LRMDA: variants seen among roughly 807,000 people sequenced by gnomAD.
The protein encoded by LRMDA is leucine rich melanocyte differentiation associated.
LRMDA carries 18 observed loss-of-function variants against 29.8 expected under a neutral mutation model. The observed-to-expected ratio is 0.60, with a 90% CI of 0.42 to 0.90. The LOEUF (loss-of-function observed/expected upper bound fraction) is 0.90. Among genes scored for constraint, LRMDA ranks in the 40% least tolerant of loss-of-function variants. The pLI, the probability that LRMDA is intolerant of heterozygous loss-of-function variation, is 0.00. For missense variants in LRMDA, 273 were observed against 273.9 expected, an observed-to-expected ratio of 1.00 and a Z score of 0.02; for synonymous variants, 125 against 109.4, an observed-to-expected ratio of 1.14 and a Z score of -0.89.
At chr10:75,606,414 A>G (rs1840957077) in intron 2 of LRMDA, among the ~76,000 whole-genome samples, 1 of 152,194 alleles carries the variant, frequency 6.6e-6, no homozygotes, top group Non-Finnish European at 1.5e-5. Context: ...GAAACCAGAA[A>G]TGAAAATAAG....
At chr10:75,463,372 C>G (rs756766655) in intron 2 of LRMDA, among the ~76,000 whole-genome samples, 1 of 152,094 alleles carries the variant, frequency 6.6e-6, no homozygotes, top group Non-Finnish European at 1.5e-5. Flanking sequence ...CTGACTTGAG[C>G]GTCAAGGAGT....
chr10:76,200,795 G>T (rs1851412696), intron 5 of LRMDA, among the ~76,000 whole-genome samples: 1 of 149,492 alleles, frequency 6.7e-6, no homozygotes, highest in South Asian at 2.1e-4. Context: ...TCGGCTCACT[G>T]CAGCGCCTGC....
intron 5 of LRMDA, among the ~76,000 whole-genome samples, chr10:76,292,670 A>G (rs1197866200): frequency 6.6e-6 from 1 of 152,028 alleles, no homozygotes; most frequent in African/African-American, 2.4e-5. Flanking sequence ...TCCCCATGAT[A>G]CTACTTTATG....
intron 2 of LRMDA, among the ~76,000 whole-genome samples, chr10:75,476,419 CTT>C (rs1329042818): frequency 6.6e-6 from 1 of 152,122 alleles, no homozygotes; most frequent in Admixed American, 6.5e-5. Flanking sequence ...TAAATTTGTT[CTT>C]GTCTCCTTTA....
At chr10:76,074,379 A>G (rs763508696) in intron 5 of LRMDA, among the ~76,000 whole-genome samples, 1 of 152,176 alleles carries the variant, frequency 6.6e-6, no homozygotes, top group Non-Finnish European at 1.5e-5. Context: ...GTTCCTATTA[A>G]CATCTACCTC....
At chr10:76,265,764 A>G (rs1190262923) in intron 5 of LRMDA, among the ~76,000 whole-genome samples, 2 of 152,194 alleles carry the variant, frequency 1.3e-5, no homozygotes, top group African/African-American at 2.4e-5. Flanking sequence ...CTAGTCATCC[A>G]TGTGTTAGAA....
chr10:76,083,744 G>A (rs1849086011), intron 5 of LRMDA, among the ~76,000 whole-genome samples: 1 of 148,692 alleles, frequency 6.7e-6, no homozygotes, highest in Non-Finnish European at 1.5e-5. Flanking sequence ...TGAGGCAGGA[G>A]AATCACTTGA....
At chr10:76,410,125 T>G (rs1019753760) in intron 6 of LRMDA, among the ~76,000 whole-genome samples, 4 of 151,762 alleles carry the variant, frequency 2.6e-5, no homozygotes, top group African/African-American at 9.7e-5. Flanking sequence ...AGGCACGGAA[T>G]TGTAGTTTGG....
intron 5 of LRMDA, among the ~76,000 whole-genome samples, chr10:76,237,388 T>G (rs1852171575): frequency 6.6e-6 from 1 of 152,102 alleles, no homozygotes; most frequent in Non-Finnish European, 1.5e-5. Flanking sequence ...ACATTTTTGG[T>G]TTTACAGATG....
intron 2 of LRMDA, among the ~76,000 whole-genome samples, chr10:75,656,034 A>C (rs1227222152): frequency 6.6e-6 from 1 of 151,990 alleles, no homozygotes; most frequent in African/African-American, 2.4e-5. Flanking sequence ...CATTTCTTCC[A>C]TTAGCTGTGA....
intron 6 of LRMDA, among the ~76,000 whole-genome samples, chr10:76,446,772 C>A (rs1013590796): frequency 1.3e-5 from 2 of 152,180 alleles, no homozygotes; most frequent in Non-Finnish European, 2.9e-5. Flanking sequence ...AAAACTTACA[C>A]CCACTTACTT....
intron 2 of LRMDA, among the ~76,000 whole-genome samples, chr10:75,454,150 G>A (rs4746300): frequency 0.31 from 46,795 of 152,022 alleles, 7,247 homozygotes; most frequent in Middle Eastern, 0.35. Flanking sequence ...AGGGCAGGAC[G>A]CTTCTGGAAT....
At position 76,557,271 on chromosome 10, in the gene LRMDA, C is replaced by T. The variant is rs587776952; in HGVS notation, c.664C>T (p.Arg222Ter). The change falls in exon 7 of 7, where the codon CGA becomes TGA. Residue 222 changes from arginine (R) to a stop codon, truncating the protein, a stop_gained. Coordinates refer to ENST00000611255, the MANE Select transcript of LRMDA (RefSeq NM_001305581.2). LOFTEE classifies it high-confidence loss of function. ...GKNSEGNRFI[R>*]DDQL ...AAACTCAGAGGGCAACAGGTTTATC[C>T]GAGATGACCAGCTCTGAAGCCAACT... is the stretch of plus-strand genomic sequence containing the variant. 35 of 1,613,710 alleles carry T rather than the reference C, an allele frequency of 2.2e-5. No individual in the cohort carries two copies. Among genetic ancestry groups the T allele is most frequent in the African/African-American group, 1.6e-4 (12 of 74,900 alleles).
At chr10:76,094,204 C>CT (rs1286147472) in intron 5 of LRMDA, among the ~76,000 whole-genome samples, 1 of 152,158 alleles carries the variant, frequency 6.6e-6, no homozygotes, top group Non-Finnish European at 1.5e-5. Context: ...AAATCTTTCT[C>CT]TCAACTTACC....
chr10:75,874,122 A>G (rs1845157488), intron 2 of LRMDA, among the ~76,000 whole-genome samples: 1 of 152,214 alleles, frequency 6.6e-6, no homozygotes, highest in Admixed American at 6.5e-5. Context: ...GTAGATTGAA[A>G]GAGGCTTCAA....
chr10:75,523,885 A>C (rs541027465), intron 2 of LRMDA, among the ~76,000 whole-genome samples: 26 of 152,240 alleles, frequency 1.7e-4, no homozygotes, highest in African/African-American at 6.3e-4. Flanking sequence ...ACCCCAGTTG[A>C]TAATTTTTAT....
chr10:76,137,993 T>G (rs1283560580), intron 5 of LRMDA, among the ~76,000 whole-genome samples: 3 of 152,110 alleles, frequency 2.0e-5, no homozygotes, highest in Non-Finnish European at 4.4e-5. Flanking sequence ...AGGAAGATTA[T>G]AATTTCAGGG....
At chr10:75,433,097 T>G (rs374543471) in intron 1 of LRMDA, among the ~76,000 whole-genome samples, 2 of 152,078 alleles carry the variant, frequency 1.3e-5, no homozygotes, top group African/African-American at 2.4e-5. Context: ...GCTTTTTTTT[T>G]CTGGGAGTTA....
At chr10:76,032,037 G>T (rs763883339) in intron 2 of LRMDA, among the ~76,000 whole-genome samples, 1 of 152,282 alleles carries the variant, frequency 6.6e-6, no homozygotes, top group East Asian at 1.9e-4. Context: ...GTATCCTCTG[G>T]TGGTTTTTAT....
Sources: gnomAD v4.1 joint callset for allele counts (sites outside exome capture counted in the v4.1 genomes callset) on GRCh38, gnomAD v4.1.1 for gene constraint, MANE v1.5 for transcripts, NCBI Gene and HGNC (gene_info 2026-07-23, HGNC 2026-07-21) for gene names.